Variants in SLC39A11 observed in about 807,000 individuals in gnomAD.
The protein encoded by SLC39A11 is solute carrier family 39 member 11.
SLC39A11 carries 33 observed loss-of-function variants against 36.1 expected under a neutral mutation model. The observed-to-expected ratio is 0.91, with a 90% confidence interval of 0.69 to 1.22. The LOEUF (loss-of-function observed/expected upper bound fraction) is 1.22, where lower values mean the gene tolerates loss of function less well. Among genes scored for constraint, SLC39A11 ranks in the 50% most tolerant of loss-of-function variants. The pLI, the probability that SLC39A11 is intolerant of heterozygous loss-of-function variation, is 0.00. For missense variants in SLC39A11, 432 were observed against 430.3 expected (o/e 1.00, Z -0.03); for synonymous variants, 166 against 170.3 (o/e 0.97, Z 0.20).
At chr17:72,805,576 G>A (rs2077222954) in intron 6 of SLC39A11, among the ~76,000 whole-genome samples, 1 of 152,104 alleles carries the variant, frequency 6.6e-6, no homozygotes, top group Non-Finnish European at 1.5e-5. Flanking sequence ...TTCCCGCCCT[G>A]GATCAGTGAG....
At chr17:72,832,109 G>T (rs74394775) in intron 6 of SLC39A11, among the ~76,000 whole-genome samples, 4 of 152,206 alleles carry the variant, frequency 2.6e-5, no homozygotes, top group Admixed American at 2.0e-4. Context: ...TATAATCCCT[G>T]TGGCTACTAA....
chr17:72,669,248 T>C (rs1004427287), intron 7 of SLC39A11, among the ~76,000 whole-genome samples: 4 of 152,182 alleles, frequency 2.6e-5, no homozygotes, highest in Non-Finnish European at 2.9e-5. Context: ...GGAAATCACA[T>C]TGGCACGACA....
intron 4 of SLC39A11, among the ~76,000 whole-genome samples, chr17:73,018,734 G>C (rs1270898624): frequency 6.6e-6 from 1 of 150,562 alleles, no homozygotes; most frequent in African/African-American, 2.4e-5. Context: ...ACTTCTTTAA[G>C]AAAAGACAAC....
chr17:72,934,207 T>C (rs990801152), intron 5 of SLC39A11, among the ~76,000 whole-genome samples: 1 of 150,222 alleles, frequency 6.7e-6, no homozygotes, highest in African/African-American at 2.5e-5. Context: ...GCACAATTCA[T>C]AAAACAAAAA....
chr17:72,762,781 C>A (rs2075633512), intron 6 of SLC39A11, among the ~76,000 whole-genome samples: 1 of 152,020 alleles, frequency 6.6e-6, no homozygotes, highest in African/African-American at 2.4e-5. Context: ...CATGGCAGAC[C>A]TTCCCATTCG....
At chr17:73,031,806 C>A in intron 3 of SLC39A11, 92 bp from the exon 4 acceptor site, 1 of 1,309,516 alleles carries the variant, frequency 7.6e-7, no homozygotes, top group Non-Finnish European at 1.1e-6. Context: ...CCAGATTGAC[C>A]CCTACAATTT....
chr17:73,013,901 G>A (rs1396338815), intron 4 of SLC39A11, among the ~76,000 whole-genome samples: 1 of 152,114 alleles, frequency 6.6e-6, no homozygotes, highest in Non-Finnish European at 1.5e-5. Flanking sequence ...TCCTAAATCA[G>A]GAATCTGAGA....
chr17:72,987,589 G>A (rs575113800), intron 4 of SLC39A11, among the ~76,000 whole-genome samples: 1 of 152,330 alleles, frequency 6.6e-6, no homozygotes, highest in African/African-American at 2.4e-5. Context: ...CCAAAAAGGG[G>A]ACTGAATGGG....
chr17:72,874,024 C>T (rs956576026), intron 5 of SLC39A11, among the ~76,000 whole-genome samples: 3 of 152,146 alleles, frequency 2.0e-5, no homozygotes, highest in African/African-American at 7.2e-5. Context: ...CCTGAGGCCT[C>T]CCCAGGCACG....
At chr17:72,904,640 C>G (rs1425540602) in intron 5 of SLC39A11, among the ~76,000 whole-genome samples, 1 of 152,196 alleles carries the variant, frequency 6.6e-6, no homozygotes, top group East Asian at 1.9e-4. Flanking sequence ...CTGAGGAACC[C>G]TCTGGGCTCT....
intron 5 of SLC39A11, among the ~76,000 whole-genome samples, chr17:72,943,641 T>TAA (rs1402703211): frequency 3.9e-5 from 6 of 152,118 alleles, no homozygotes; most frequent in Non-Finnish European, 2.9e-5. Flanking sequence ...AACTGAATAA[T>TAA]CTCCTAAAGT....
chr17:72,803,676 A>C (rs2077165991), intron 6 of SLC39A11, among the ~76,000 whole-genome samples: 1 of 152,148 alleles, frequency 6.6e-6, no homozygotes, highest in South Asian at 2.1e-4. Flanking sequence ...AGGGCAGGTC[A>C]CATTTGCTTT....
At chr17:72,760,688 T>C (rs940824419) in intron 6 of SLC39A11, among the ~76,000 whole-genome samples, 1 of 152,148 alleles carries the variant, frequency 6.6e-6, no homozygotes, top group Non-Finnish European at 1.5e-5. Context: ...AAGGCATCCT[T>C]TTCATTTTTA....
chr17:73,074,044 A>G (rs2060242996), intron 3 of SLC39A11, among the ~76,000 whole-genome samples: 1 of 150,996 alleles, frequency 6.6e-6, no homozygotes, highest in Non-Finnish European at 1.5e-5. Context: ...AGGCAGTAAG[A>G]TGGAAAAAAA....
chr17:72,952,827 C>A (rs2085963177), intron 4 of SLC39A11, among the ~76,000 whole-genome samples: 1 of 152,036 alleles, frequency 6.6e-6, no homozygotes, highest in Non-Finnish European at 1.5e-5. Context: ...TCCACAGCAG[C>A]CCCGACAGTC....
At chr17:73,027,395 T>C (rs1023578514) in intron 4 of SLC39A11, among the ~76,000 whole-genome samples, 1 of 152,206 alleles carries the variant, frequency 6.6e-6, no homozygotes, top group Non-Finnish European at 1.5e-5. Flanking sequence ...TCCCCTTTCA[T>C]TAAGACGCCA....
At chr17:72,930,428 C>T (rs2084315887) in intron 5 of SLC39A11, among the ~76,000 whole-genome samples, 1 of 152,154 alleles carries the variant, frequency 6.6e-6, no homozygotes, top group African/African-American at 2.4e-5. Flanking sequence ...CCTCATCCTA[C>T]TGTTCTTGTC....
chr17:72,782,687 CAAA>C (rs72447211), intron 6 of SLC39A11, among the ~76,000 whole-genome samples: 86 of 62,442 alleles, frequency 1.4e-3, no homozygotes, highest in African/African-American at 4.2e-3. Context: ...GACCCCATCT[CAAA>C]AAAAAAAAAA....
intron 6 of SLC39A11, among the ~76,000 whole-genome samples, chr17:72,754,037 T>TAC (rs1481388598): frequency 2.2e-3 from 265 of 119,570 alleles, no homozygotes; most frequent in African/African-American, 6.3e-3. Flanking sequence ...TATATATATA[T>TAC]ATATATATAC....
Sources: gnomAD v4.1 joint callset for allele counts (sites outside exome capture counted in the v4.1 genomes callset) on GRCh38, gnomAD v4.1.1 for gene constraint, MANE v1.5 for transcripts, NCBI Gene and HGNC (gene_info 2026-07-23, HGNC 2026-07-21) for gene names.